The following ASH1L variants were observed in gnomAD, a reference collection of about 807,000 sequenced individuals.
ASH1L encodes the protein ASH1 like histone lysine methyltransferase.
ASH1L carries 23 observed loss-of-function variants against 269.0 expected under a neutral mutation model. The ratio of observed to expected loss-of-function variants is 0.09; its 90% CI spans 0.06 to 0.12. The LOEUF is 0.12. Among genes scored for constraint, ASH1L ranks in the 10% least tolerant of loss-of-function variants. The pLI is 1.00. For synonymous variants in ASH1L, 1,187 were observed against 1,253.5 expected, an observed-to-expected ratio of 0.95 and a Z score of 1.12; for missense variants, 2,912 against 3,567.8, an observed-to-expected ratio of 0.82 and a Z score of 4.68.
rs758461604 is a variant in ASH1L, at chr1:155,482,011, G to T, written c.859C>A (p.Pro287Thr). The T allele has an allele frequency of 6.2e-7, 1 of 1,614,030 alleles. No individual in the cohort carries two copies. The highest frequency in any genetic ancestry group is 8.5e-7 in the Non-Finnish European group (1 of 1,180,002). The change falls in exon 3 of 28, where the codon CCT (proline) becomes ACT (threonine). Residue 287 changes from proline to threonine, a missense_variant. Transcript: ENST00000392403. Reference sequence around the variant, plus strand: ...GCATTAAACACTGGCTTTTTCCCAGGATCTTTAGTTACCAATCCAACTGCT... The same window carrying T: ...GCATTAAACACTGGCTTTTTCCCAGTATCTTTAGTTACCAATCCAACTGCT... Reference protein sequence around the residue: ...STAVGLVTKDPGKKPVFNAAV... With the variant: ...STAVGLVTKDTGKKPVFNAAV...
intron 4 of ASH1L, among the ~76,000 whole-genome samples, chr1:155,450,578 G>C (rs898011901): frequency 7.9e-5 from 12 of 152,216 alleles, no homozygotes; most frequent in African/African-American, 2.9e-4. Flanking sequence ...GAAAAAACTG[G>C]AACATTTGTA....
chr1:155,480,128 A>C lies in ASH1L; in HGVS notation c.2742T>G (p.Val914=). Residue 914 remains valine, a synonymous_variant, in exon 3 of 28, where the codon GTT becomes GTG. Transcript: ENST00000392403. ...CTAGCTTGCTTGGACTTTCAGTGGC[A>C]ACAAATGGAGCCACTGACAGTACAG... ...KPPVLSVAPF[V]ATESPSKLES... 4 of 1,614,130 alleles carry C rather than the reference A, an allele frequency of 2.5e-6. No individual in the cohort carries two copies. The highest frequency in any genetic ancestry group is 3.4e-6 in the Non-Finnish European group (4 of 1,180,004).
At chr1:155,437,461 A>G (rs1662196132) in intron 5 of ASH1L, among the ~76,000 whole-genome samples, 1 of 152,210 alleles carries the variant, frequency 6.6e-6, no homozygotes, top group Non-Finnish European at 1.5e-5. Context: ...AGTGTTGGTG[A>G]GGATGTAAAC....
chr1:155,341,390 A>T (rs1034765935), intron 25 of ASH1L, among the ~76,000 whole-genome samples: 3 of 152,050 alleles, frequency 2.0e-5, no homozygotes, highest in Non-Finnish European at 2.9e-5. Flanking sequence ...GTTAGCCAGG[A>T]TGGTCTTGAT....
chr1:155,486,024 T>A (rs1469778648), intron 2 of ASH1L, among the ~76,000 whole-genome samples: 3 of 152,134 alleles, frequency 2.0e-5, no homozygotes, highest in African/African-American at 7.2e-5. Flanking sequence ...CAGTTACTGG[T>A]CCAAGTCTCA....
chr1:155,463,860 C>A (rs2148682726), intron 3 of ASH1L, among the ~76,000 whole-genome samples: 1 of 152,162 alleles, frequency 6.6e-6, no homozygotes, highest in East Asian at 1.9e-4. Context: ...CTAGAACTAA[C>A]CTATTAACAT....
At chr1:155,450,707 G>C (rs1225673594) in intron 4 of ASH1L, among the ~76,000 whole-genome samples, 4 of 152,174 alleles carry the variant, frequency 2.6e-5, no homozygotes, top group African/African-American at 9.7e-5. Flanking sequence ...GTATATACCA[G>C]AAAGAACTGA....
At chr1:155,407,336 A>G (rs1177636985) in intron 6 of ASH1L, among the ~76,000 whole-genome samples, 1 of 152,250 alleles carries the variant, frequency 6.6e-6, no homozygotes, top group African/African-American at 2.4e-5. Flanking sequence ...TTCTAGGACT[A>G]CAAAAGGATA....
intron 19 of ASH1L, among the ~76,000 whole-genome samples, chr1:155,348,122 A>G (rs1653529691): frequency 1.3e-5 from 2 of 152,196 alleles, no homozygotes; most frequent in African/African-American, 2.4e-5. Flanking sequence ...CATTTGCTCA[A>G]CTGATCTGTC....
intron 5 of ASH1L, among the ~76,000 whole-genome samples, chr1:155,425,950 G>A (rs1334628145): frequency 1.2e-4 from 18 of 150,246 alleles, no homozygotes; most frequent in Non-Finnish European, 2.2e-4. Flanking sequence ...GTGCAGTGGC[G>A]CGATCTCGGC....
At chr1:155,460,068 A>G (rs75446750) in intron 3 of ASH1L, among the ~76,000 whole-genome samples, 170 bp from the exon 4 acceptor site, 1,573 of 152,312 alleles carry the variant, frequency 0.01, 30 homozygotes, top group African/African-American at 0.036. Flanking sequence ...GACAAATCAC[A>G]CTATATGTTG....
At chr1:155,451,716 GAA>G (rs543331226) in intron 4 of ASH1L, among the ~76,000 whole-genome samples, 1 of 146,400 alleles carries the variant, frequency 6.8e-6, no homozygotes, top group African/African-American at 2.5e-5. Flanking sequence ...GCGAGACTCT[GAA>G]AAAAAAAAAG....
intron 1 of ASH1L, among the ~76,000 whole-genome samples, chr1:155,536,001 G>A (rs868241039): frequency 0.012 from 1,194 of 103,382 alleles, 8 homozygotes; most frequent in African/African-American, 0.036. Context: ...TCCATCTCAA[G>A]AAAAAAAAAA....
At chr1:155,384,742 A>G (rs1044999529) in intron 7 of ASH1L, among the ~76,000 whole-genome samples, 1 of 152,168 alleles carries the variant, frequency 6.6e-6, no homozygotes, top group East Asian at 1.9e-4. Context: ...GTCTCGGCAT[A>G]TATTTGTTTG....
intron 5 of ASH1L, among the ~76,000 whole-genome samples, chr1:155,422,698 G>C (rs1409275387): frequency 6.6e-6 from 1 of 151,208 alleles, no homozygotes; most frequent in Non-Finnish European, 1.5e-5. Flanking sequence ...GCTGAGGCTG[G>C]AGTGCAGTGG....
Position 155,521,223 on chromosome 1 carries a change from A to G in ASH1L, c.297T>C (p.Pro99=). Residue 99 remains proline (P), a synonymous_variant, in exon 2 of 28, where the codon CCT becomes CCC. Coordinates refer to ENST00000392403, the MANE Select transcript of ASH1L (RefSeq NM_018489.3). The part of the protein sequence containing the change: ...IGLQAKRTKK[P]PKNLENYVCR... ...ATACATAGTTCTCCAAGTTCTTTGGAGGTTTTTTAGTTCTCTTAGCCTGGA... is the reference window on the plus strand; with the variant it reads ...ATACATAGTTCTCCAAGTTCTTTGGGGGTTTTTTAGTTCTCTTAGCCTGGA... 3.1e-6 allele frequency: 5 copies of G among 1,614,112 alleles called. No individual in the cohort carries two copies. The highest frequency in any genetic ancestry group is 4.2e-6 in the Non-Finnish European group (5 of 1,180,032).
At chr1:155,433,707 G>A in intron 5 of ASH1L, 2 of 1,600,612 alleles carry the variant, frequency 1.2e-6, no homozygotes, top group Non-Finnish European at 1.7e-6. Context: ...GTTCTATTTG[G>A]GAAGGTGTTC....
At chr1:155,528,115 G>A (rs1571072516) in intron 1 of ASH1L, among the ~76,000 whole-genome samples, 1 of 152,102 alleles carries the variant, frequency 6.6e-6, no homozygotes, top group East Asian at 1.9e-4. Context: ...ATATCTAAAT[G>A]CTTACTTGAC....
intron 1 of ASH1L, among the ~76,000 whole-genome samples, chr1:155,543,227 T>C (rs1157907927): frequency 6.6e-6 from 1 of 151,970 alleles, no homozygotes; most frequent in Non-Finnish European, 1.5e-5. Flanking sequence ...TAGATTTCAG[T>C]CAGCCGGGCG....
Sources: allele counts gnomAD v4.1 joint callset (sites outside exome capture counted in the v4.1 genomes callset), GRCh38; gene constraint gnomAD v4.1.1; transcripts MANE v1.5; gene names NCBI Gene and HGNC (gene_info 2026-07-23, HGNC 2026-07-21).